Variants in TEAD3 observed in about 807,000 individuals in gnomAD.
TEAD3 encodes the protein transcriptional enhancer factor TEF-5.
Under a neutral mutation model 55.6 loss-of-function variants are expected in TEAD3, and 15 were observed. The observed-to-expected ratio is 0.27, with a 90% confidence interval of 0.18 to 0.42. The LOEUF is 0.42. Among genes scored for constraint, TEAD3 ranks in the 10% least tolerant of loss-of-function variants. The probability of loss-of-function intolerance (pLI) is 1.00; values close to 1 mark genes in which losing one functional copy is unlikely to be tolerated. For missense variants in TEAD3, 407 were observed against 576.8 expected, an observed-to-expected ratio of 0.71 and a Z score of 3.01; for synonymous variants, 210 against 232.2, an observed-to-expected ratio of 0.90 and a Z score of 0.87.
chr6:35,480,363 G>A lies in TEAD3; in HGVS notation c.268-241C>T, dbSNP rs776986459. The A allele has an allele frequency of 2.5e-6, 4 of 1,613,998 alleles. No homozygotes were observed. In the South Asian group the frequency reaches 4.4e-5, roughly 18 times the overall value. On this transcript the variant is annotated intron_variant, in intron 3 of 12. Transcript: ENST00000639578. Reference sequence around the variant, plus strand: ...CCTTCTTCCGAGCTAGAACCTGTATGTGGCTGGACACCTAGGGGCCGCCCC... The same window carrying A: ...CCTTCTTCCGAGCTAGAACCTGTATATGGCTGGACACCTAGGGGCCGCCCC...
At position 35,486,423 on chromosome 6, in the gene TEAD3, G is replaced by C. The variant is rs1158663002; in HGVS notation, c.202+38C>G. ...TGGGTGAGAGGGCAGAGAGCAGGGG[G>C]AAGGGCCGCAGTCCCGCCCGCGCCC... On this transcript the variant is annotated intron_variant, in intron 2 of 12. Transcript: ENST00000639578. This position sits in a 1 kb window ranked among gnomAD's most constrained non-coding sequence, Gnocchi z 7.3. The C allele has an allele frequency of 3.8e-6, 6 of 1,584,020 alleles. No individual in the cohort carries two copies. Among genetic ancestry groups the C allele is most frequent in the African/African-American group, 2.7e-5 (2 of 74,498 alleles).
chr6:35,485,395 C>A lies in TEAD3; in HGVS notation c.203-771G>T, dbSNP rs1768353746. Among the ~76,000 whole-genome samples, 2 of 152,212 alleles carry A rather than the reference C, an allele frequency of 1.3e-5. No individual in the cohort carries two copies. Among genetic ancestry groups the A allele is most frequent in the Admixed American group, 1.3e-4 (2 of 15,304 alleles). The stretch of plus-strand genomic sequence containing the variant: ...AGCTGCCAGTGTCCAGGGACTTGGG[C>A]CTGAAAGGGGGATGCCTGGGCCACA... On this transcript the variant is annotated intron_variant, in intron 2 of 12. Coordinates refer to ENST00000639578, the Ensembl canonical transcript of TEAD3. The surrounding 1 kb of genome is among the most constrained non-coding windows in gnomAD (Gnocchi z 4.3).
chr6:35,490,308 G>A (rs1026218936), intron 1 of TEAD3, among the ~76,000 whole-genome samples: 6 of 152,144 alleles, frequency 3.9e-5, no homozygotes, highest in East Asian at 1.9e-4. Context: ...CGGGGCAGGC[G>A]GCCCCTGGCT....
chr6:35,480,505 T>A, intron 3 of TEAD3, 131 bp from the exon 4 acceptor site: 1 of 906,232 alleles, frequency 1.1e-6, no homozygotes, highest in Non-Finnish European at 1.7e-6. Context: ...TGGGGGGACC[T>A]TTTTTCTTTT....
rs372585276 is a variant in TEAD3, at chr6:35,475,024, A to T, written c.*20T>A. 9 of 1,528,544 alleles carry T rather than the reference A, an allele frequency of 5.9e-6. No individual in the cohort carries two copies. In the African/African-American group the frequency reaches 1.2e-4, roughly 21 times the overall value. The allele number at this position is 1,528,544 out of a possible 1,614,324, so 94.7% of individuals were successfully genotyped here. A position where few individuals can be genotyped will look rare whatever the true frequency, so the allele number is the denominator to read the frequency against. On this transcript the variant is annotated 3_prime_UTR_variant, in exon 13 of 13. Transcript: ENST00000639578. The surrounding 1 kb of genome is among the most constrained non-coding windows in gnomAD (Gnocchi z 5.4). ...GAGGAGATGCTCACCCTGCATCCTT[A>T]AGGAGGCGCAGAGGGCACCCTAGTC...
chr6:35,485,862 G>A lies in TEAD3; in HGVS notation c.202+599C>T, dbSNP rs908080682. On this transcript the variant is annotated intron_variant, in intron 2 of 12. Coordinates refer to ENST00000639578, the Ensembl canonical transcript of TEAD3. The surrounding 1 kb of genome is among the most constrained non-coding windows in gnomAD (Gnocchi z 4.3). ...GCCAGGAACCAGGCCCAGAAGGGTC[G>A]AGTTATCCCAAAAATGCAGCTCTGG... 2.6e-5 allele frequency among the ~76,000 whole-genome samples: 4 copies of A among 152,152 alleles called. No homozygotes were observed. The highest frequency in any genetic ancestry group is 5.9e-5 in the Non-Finnish European group (4 of 68,014).
At position 35,486,152 on chromosome 6, in the gene TEAD3, C is replaced by T. The variant is rs925918264; in HGVS notation, c.202+309G>A. 5.3e-5 allele frequency among the ~76,000 whole-genome samples: 8 copies of T among 152,236 alleles called. No individual in the cohort carries two copies. Among genetic ancestry groups the T allele is most frequent in the African/African-American group, 1.9e-4 (8 of 41,472 alleles). ...TCCGGGAAGGGACCCCGTTCCGGGC[C>T]TCGACCGGCGCAGACTGGGCTGACC... On this transcript the variant is annotated intron_variant, in intron 2 of 12. Transcript: ENST00000639578. The surrounding 1 kb of genome is among the most constrained non-coding windows in gnomAD (Gnocchi z 7.3).
rs1426410708 is a variant in TEAD3 at position 35,475,194 on chromosome 6, G to A, written c.1195-37C>T. The A allele has an allele frequency of 1.3e-6, 2 of 1,568,688 alleles. No individual in the cohort carries two copies. The highest frequency in any genetic ancestry group is 1.9e-5 in the Admixed American group (1 of 52,618). ...GCAGGTAAGAGATTCAGGAGGTCAG[G>A]GAGAAAAGGGCCACGGGGCAGGGGG... On this transcript the variant is annotated intron_variant, in intron 12 of 12. Coordinates refer to ENST00000639578, the Ensembl canonical transcript of TEAD3. This position sits in a 1 kb window ranked among gnomAD's most constrained non-coding sequence, Gnocchi z 5.4.
chr6:35,480,162 C>T lies in TEAD3; in HGVS notation c.268-40G>A, dbSNP rs558969425. The T allele has an allele frequency of 2.7e-4, 412 of 1,549,498 alleles. 4 individuals carry two copies. The South Asian group carries it at 4.1e-3, about 16-fold the overall frequency. On this transcript the variant is annotated intron_variant, in intron 3 of 12. Coordinates refer to ENST00000639578, the Ensembl canonical transcript of TEAD3. The stretch of plus-strand genomic sequence containing the variant: ...AGAAAGAGAAAAAGAACAGAAAGAG[C>T]GGAAGGAGAGGCAGAAACAGAGCTT...
At position 35,484,560 on chromosome 6, in the gene TEAD3, C is replaced by A; in HGVS notation, c.267G>T (p.Gln89His). ...GGCCCAGCATAAACCGTCTCTCTAC[C>A]TGTTTTCTCGTCCGAGTCTTCCCCG... The change falls in exon 3 of 13, where the codon CAG becomes CAT. Residue 89 changes from glutamine (Q) to histidine (H), a missense_variant and splice_region_variant. By Grantham distance (24) the Gln-to-His change is conservative. Coordinates refer to ENST00000639578, the Ensembl canonical transcript of TEAD3. This position sits in a 1 kb window ranked among gnomAD's most constrained non-coding sequence, Gnocchi z 5.8. 6.2e-7 allele frequency: 1 copy of A among 1,602,782 alleles called. No homozygotes were observed. The highest frequency in any genetic ancestry group is 2.2e-5 in the East Asian group (1 of 44,512).
rs114753628 is a variant in TEAD3, at chr6:35,495,373, C to A, written c.-50+1525G>T. On this transcript the variant is annotated intron_variant, in intron 1 of 12. Coordinates refer to ENST00000639578, the Ensembl canonical transcript of TEAD3. Reference sequence around the variant, plus strand: ...GGCAACCACTGACCACTCTAACAAGCCATTCCCCAGCCCAGATGCGCTCAT... The same window carrying A: ...GGCAACCACTGACCACTCTAACAAGACATTCCCCAGCCCAGATGCGCTCAT... 2.5e-3 allele frequency among the ~76,000 whole-genome samples: 377 copies of A among 152,332 alleles called. 3 individuals carry two copies. Among genetic ancestry groups the A allele is most frequent in the African/African-American group, 8.7e-3 (360 of 41,568 alleles).
In TEAD3 at chr6:35,491,983, G is replaced by T. The variant is rs1768531226; in HGVS notation, c.-50+4915C>A. 6.6e-6 allele frequency among the ~76,000 whole-genome samples: 1 copy of T among 152,164 alleles called. No individual in the cohort carries two copies. The highest frequency in any genetic ancestry group is 1.5e-5 in the Non-Finnish European group (1 of 68,008). Reference sequence around the variant, plus strand: ...CCTGTAGCTCCCTTTAGGGGCCCCAGAGCCACTGCCTTGGTAGGAGGCACA... The same window carrying T: ...CCTGTAGCTCCCTTTAGGGGCCCCATAGCCACTGCCTTGGTAGGAGGCACA... On this transcript the variant is annotated intron_variant, in intron 1 of 12. Coordinates refer to ENST00000639578, the Ensembl canonical transcript of TEAD3. This position sits in a 1 kb window ranked among gnomAD's most constrained non-coding sequence, Gnocchi z 4.4.
chr6:35,492,214 C>T (rs1014015492), intron 1 of TEAD3, among the ~76,000 whole-genome samples: 2 of 152,198 alleles, frequency 1.3e-5, no homozygotes, highest in South Asian at 2.1e-4. Flanking sequence ...CAGCAGTTTC[C>T]TCCCAAATCT....
intron 9 of TEAD3, 62 bp downstream of exon 9, chr6:35,476,240 G>A (rs2150910567): frequency 6.4e-7 from 1 of 1,574,298 alleles, no homozygotes; most frequent in African/African-American, 1.3e-5. Flanking sequence ...TGCAGCCCTG[G>A]ATCACCCGGC....
intron 1 of TEAD3, among the ~76,000 whole-genome samples, chr6:35,490,778 G>A (rs1768498928): frequency 6.6e-6 from 1 of 152,220 alleles, no homozygotes; most frequent in Non-Finnish European, 1.5e-5. Context: ...AGGAGGCTAT[G>A]GCTCCCTGGA....
intron 1 of TEAD3, among the ~76,000 whole-genome samples, chr6:35,494,954 G>A (rs1373263482): frequency 6.6e-6 from 1 of 151,370 alleles, no homozygotes; most frequent in East Asian, 2.0e-4. Flanking sequence ...TTCTTCTTTG[G>A]GCCACTGGAT....
intron 1 of TEAD3, among the ~76,000 whole-genome samples, chr6:35,490,291 G>A (rs943125672): frequency 4.3e-4 from 64 of 148,076 alleles, no homozygotes; most frequent in African/African-American, 1.3e-3. Flanking sequence ...GGGACAGACT[G>A]GGGGGGCGGG....
Position 35,486,738 on chromosome 6 carries a change from G to C in TEAD3, c.-49-27C>G. 1 of 1,511,892 alleles carries C rather than the reference G, an allele frequency of 6.6e-7. No homozygotes were observed. Among genetic ancestry groups the C allele is most frequent in the South Asian group, 1.1e-5 (1 of 87,556 alleles). 93.7% of individuals were successfully genotyped at this position (1,511,892 alleles called of 1,614,324 possible). ...TGGGGGACAGACAGACAGGAACTGG[G>C]ACCAGGGTCCTCCTCGACCACAGCA... On this transcript the variant is annotated intron_variant, in intron 1 of 12. Transcript: ENST00000639578. This position sits in a 1 kb window ranked among gnomAD's most constrained non-coding sequence, Gnocchi z 7.3.
In TEAD3 at chr6:35,486,687, G is replaced by A; in HGVS notation, c.-25C>T. On this transcript the variant is annotated 5_prime_UTR_variant, in exon 2 of 13. Transcript: ENST00000639578. This position sits in a 1 kb window ranked among gnomAD's most constrained non-coding sequence, Gnocchi z 7.3. Reference sequence around the variant, plus strand: ...TTGTGCTGGTTGCTCTGGGCTCTGGGCCTGAGCCCACTGGGCGGCTGAGCC... The same window carrying A: ...TTGTGCTGGTTGCTCTGGGCTCTGGACCTGAGCCCACTGGGCGGCTGAGCC... 1 of 1,606,008 alleles carries A rather than the reference G, an allele frequency of 6.2e-7. No individual in the cohort carries two copies. The highest frequency in any genetic ancestry group is 8.5e-7 in the Non-Finnish European group (1 of 1,176,184).
Sources: gnomAD v4.1 joint callset for allele counts (sites outside exome capture counted in the v4.1 genomes callset) on GRCh38, gnomAD v4.1.1 for gene constraint, Gnocchi (gnomAD v3.1) non-coding constraint, MANE v1.5 for transcripts, NCBI Gene and HGNC (gene_info 2026-07-23, HGNC 2026-07-21) for gene names.